Variants in HIVEP3 observed in about 807,000 individuals in gnomAD.
HIVEP3 encodes the protein HIVEP zinc finger 3, also known as transcription factor HIVEP3.
Under a neutral mutation model 152.8 loss-of-function variants are expected in HIVEP3, and 49 were observed. That is an observed-to-expected ratio of 0.32 (90% confidence interval 0.26 to 0.41). The LOEUF (loss-of-function observed/expected upper bound fraction) is 0.41, where lower values mean the gene tolerates loss of function less well. Among genes scored for constraint, HIVEP3 ranks in the 10% least tolerant of loss-of-function variants. The pLI is 1.00. For synonymous variants in HIVEP3, 1,269 were observed against 1,289.0 expected, an observed-to-expected ratio of 0.98 and a Z score of 0.33; for missense variants, 2,790 against 3,103.3, an observed-to-expected ratio of 0.90 and a Z score of 2.40.
intron 1 of HIVEP3, among the ~76,000 whole-genome samples, chr1:41,830,484 C>A (rs1366695890): frequency 6.6e-6 from 1 of 152,206 alleles, no homozygotes; most frequent in East Asian, 1.9e-4. Context: ...ATTCTTCTGG[C>A]TGCTGGGAAT....
intron 2 of HIVEP3, among the ~76,000 whole-genome samples, chr1:41,651,258 G>T (rs1313776617): frequency 6.6e-6 from 1 of 151,806 alleles, no homozygotes; most frequent in Non-Finnish European, 1.5e-5. Context: ...AAAAATACAA[G>T]AAATTAGCTG....
chr1:41,754,325 A>G (rs535800704), intron 1 of HIVEP3, among the ~76,000 whole-genome samples: 45 of 151,752 alleles, frequency 3.0e-4, no homozygotes, highest in Non-Finnish European at 4.6e-4. Context: ...TGGTGAAGAG[A>G]CTCCACTGCC....
chr1:41,861,014 G>A (rs1440114933), intron 1 of HIVEP3, among the ~76,000 whole-genome samples: 1 of 152,210 alleles, frequency 6.6e-6, no homozygotes, highest in Non-Finnish European at 1.5e-5. Context: ...CGAACTACGA[G>A]GGAGGAGAGG....
chr1:41,580,221 G>C lies in HIVEP3; in HGVS notation c.4577C>G (p.Pro1526Arg). Reference protein sequence around the residue: ...PHPALSHGTAPGSEALKEYPQ... With the variant: ...PHPALSHGTARGSEALKEYPQ... ...ATATTCCTTCAAAGCTTCTGAGCCT[G>C]GGGCTGTCCCATGGGACAATGCAGG... The change falls in exon 4 of 9, where the codon CCA becomes CGA. Residue 1526 changes from proline (P) to arginine (R), a missense_variant. Around this residue, in one of 9 missense-constraint regions of HIVEP3, gnomAD observed 1,078 missense variants for 1,165.3 expected, o/e 0.93. Transcript: ENST00000372583. 1 of 1,612,696 alleles carries C rather than the reference G, an allele frequency of 6.2e-7. No homozygotes were observed. Among genetic ancestry groups the C allele is most frequent in the African/African-American group, 1.3e-5 (1 of 75,000 alleles).
At chr1:41,900,726 T>C (rs1644606946) in intron 1 of HIVEP3, among the ~76,000 whole-genome samples, 1 of 151,886 alleles carries the variant, frequency 6.6e-6, no homozygotes. Flanking sequence ...CATATGGGCC[T>C]CCCTAAAAAG....
intron 1 of HIVEP3, among the ~76,000 whole-genome samples, chr1:41,741,831 G>A (rs1234207871): frequency 1.3e-5 from 2 of 152,224 alleles, no homozygotes; most frequent in Non-Finnish European, 2.9e-5. Flanking sequence ...ACACAGGGCT[G>A]TTTTGAAAAC....
rs35864189 is a variant in HIVEP3 at position 41,751,324 on chromosome 1, A to ATTTTTTTTTTT, written c.-800-50340_-800-50330dup. On this transcript the variant is annotated intron_variant, in intron 1 of 8. Coordinates refer to ENST00000372583, the MANE Select transcript of HIVEP3 (RefSeq NM_024503.5). ...TTCATCCCGAGGGAAACTGACACACATTTTTTTTTTTTTTTTTTTTGCATA... is the reference window on the plus strand; with the variant it reads ...TTCATCCCGAGGGAAACTGACACACATTTTTTTTTTTTTTTTTTTTTTTTTTTTTTTGCATA... 1.8e-4 allele frequency among the ~76,000 whole-genome samples: 19 copies of ATTTTTTTTTTT among 104,540 alleles called. 3 individuals carry two copies. The highest frequency in any genetic ancestry group is 2.4e-4 in the Admixed American group (2 of 8,194). 68.6% of individuals were successfully genotyped at this position (104,540 alleles called of 152,430 possible).
At chr1:41,639,979 G>A (rs1357937006) in intron 2 of HIVEP3, among the ~76,000 whole-genome samples, 1 of 152,108 alleles carries the variant, frequency 6.6e-6, no homozygotes, top group Non-Finnish European at 1.5e-5. Flanking sequence ...ATAGAGAATG[G>A]TGATACTTTC....
At chr1:41,681,513 G>C (rs1646038504) in intron 2 of HIVEP3, among the ~76,000 whole-genome samples, 1 of 152,218 alleles carries the variant, frequency 6.6e-6, no homozygotes, top group African/African-American at 2.4e-5. Flanking sequence ...GTGCTCAGCT[G>C]GTGCTCACGT....
At chr1:41,852,560 T>C (rs1643634123) in intron 1 of HIVEP3, among the ~76,000 whole-genome samples, 1 of 152,238 alleles carries the variant, frequency 6.6e-6, no homozygotes, top group African/African-American at 2.4e-5. Flanking sequence ...GGGCCTATAC[T>C]TCTTCCCTTG....
intron 1 of HIVEP3, among the ~76,000 whole-genome samples, chr1:42,026,071 A>G (rs1240584195): frequency 6.6e-6 from 1 of 151,388 alleles, no homozygotes; most frequent in Non-Finnish European, 1.5e-5. Context: ...CCTGTCTCAA[A>G]AGAGAAAAAA....
intron 5 of HIVEP3, among the ~76,000 whole-genome samples, chr1:41,529,554 CCCA>C (rs985158667): frequency 1.2e-4 from 16 of 138,986 alleles, no homozygotes; most frequent in African/African-American, 3.8e-4. Flanking sequence ...CTCTCCTCCC[CCCA>C]CACCCCACCC....
At chr1:42,026,058 G>T (rs930524307) in intron 1 of HIVEP3, among the ~76,000 whole-genome samples, 2 of 151,460 alleles carry the variant, frequency 1.3e-5, no homozygotes, top group Non-Finnish European at 2.9e-5. Flanking sequence ...GACAGAGCAA[G>T]ACCCTGTCTC....
Position 41,583,208 on chromosome 1 carries a change from A to C in HIVEP3, c.1590T>G (p.Ser530Arg). ...QSLLSLQHPPSTAPPVPLLRS... is the reference protein window; with the variant it reads ...QSLLSLQHPPRTAPPVPLLRS... ...TCAGGAGAGGCACAGGGGGGGCGGT[A>C]CTGGGCGGGTGCTGGAGGCTCAGCA... The change falls in exon 4 of 9, where the codon AGT becomes AGG. Residue 530 changes from serine to arginine, a missense_variant. Ser to Arg is a moderately radical substitution (Grantham distance 110). Around this residue, in one of 9 missense-constraint regions of HIVEP3, gnomAD observed 339 missense variants for 327.0 expected, o/e 1.04. Transcript: ENST00000372583. This position sits in a 1 kb window ranked among gnomAD's most constrained non-coding sequence, Gnocchi z 6.9. 1 of 1,609,912 alleles carries C rather than the reference A, an allele frequency of 6.2e-7. No individual in the cohort carries two copies. The highest frequency in any genetic ancestry group is 8.5e-7 in the Non-Finnish European group (1 of 1,177,694).
At chr1:42,001,454 A>T (rs189636291) in intron 1 of HIVEP3, among the ~76,000 whole-genome samples, 11 of 152,324 alleles carry the variant, frequency 7.2e-5, no homozygotes, top group African/African-American at 1.4e-4. Context: ...CTCACTACAC[A>T]GTGCCTGATA....
At chr1:41,990,047 C>T (rs1269975488) in intron 1 of HIVEP3, among the ~76,000 whole-genome samples, 5 of 74,972 alleles carry the variant, frequency 6.7e-5, no homozygotes. Context: ...CATGATTTTG[C>T]AGCGGCTGGT....
rs750000381 is a variant in HIVEP3, at chr1:41,571,976, G to A, written c.5207+3568C>T. On this transcript the variant is annotated intron_variant, in intron 5 of 8. Transcript: ENST00000372583. ...AGAGGGAGTAAAGAGACCACACTGA[G>A]TCACTGACTACTTCATGCAGACACC... Among the ~76,000 whole-genome samples, 95 of 152,214 alleles carry A rather than the reference G, an allele frequency of 6.2e-4. 2 individuals carry two copies. The highest frequency in any genetic ancestry group is 1.3e-4 in the Non-Finnish European group (9 of 68,040).
intron 1 of HIVEP3, among the ~76,000 whole-genome samples, chr1:41,745,982 G>A (rs1558232994): frequency 6.6e-6 from 1 of 152,180 alleles, no homozygotes. Context: ...AATGGTCAAC[G>A]AATGAATGGC....
intron 1 of HIVEP3, among the ~76,000 whole-genome samples, chr1:41,928,655 C>T (rs1644979820): frequency 6.6e-6 from 1 of 152,134 alleles, no homozygotes; most frequent in Non-Finnish European, 1.5e-5. Context: ...GTGACTATTC[C>T]TCAGTCTTTC....
Sources: allele counts gnomAD v4.1 joint callset (sites outside exome capture counted in the v4.1 genomes callset), GRCh38; gene constraint gnomAD v4.1.1; regional missense constraint gnomAD v4.1.1; non-coding constraint Gnocchi (gnomAD v3.1); transcripts MANE v1.5; gene names NCBI Gene and HGNC (gene_info 2026-07-23, HGNC 2026-07-21).